Variants in ITFG1 observed in about 807,000 individuals in gnomAD.
ITFG1 encodes integrin alpha FG-GAP repeat containing 1.
ITFG1 carries 34 observed loss-of-function variants against 81.8 expected under a neutral mutation model. The observed-to-expected ratio is 0.42, with a 90% CI of 0.32 to 0.55. ITFG1 has a LOEUF of 0.55. Among genes scored for constraint, ITFG1 ranks in the 20% least tolerant of loss-of-function variants. The pLI, the probability that ITFG1 is intolerant of heterozygous loss-of-function variation, is 0.17. For missense variants in ITFG1, 672 were observed against 755.4 expected (o/e 0.89, Z 1.29); for synonymous variants, 285 against 270.6 (o/e 1.05, Z -0.52).
intron 8 of ITFG1, among the ~76,000 whole-genome samples, chr16:47,362,111 A>G (rs984215078): frequency 6.6e-6 from 1 of 152,042 alleles, no homozygotes; most frequent in African/African-American, 2.4e-5. Context: ...TTCAGAGTCA[A>G]TTTTTTACTT....
intron 14 of ITFG1, among the ~76,000 whole-genome samples, chr16:47,179,639 TA>T (rs138464322): frequency 3.3e-5 from 5 of 151,358 alleles, no homozygotes; most frequent in Non-Finnish European, 7.4e-5. Context: ...TGTTTTTATT[TA>T]AAAAAAAAGA....
chr16:47,178,593 T>C (rs1009363333), intron 14 of ITFG1, among the ~76,000 whole-genome samples: 7 of 152,162 alleles, frequency 4.6e-5, no homozygotes, highest in African/African-American at 1.7e-4. Context: ...GATTAAAGAC[T>C]TAAATGTTAG....
chr16:47,365,703 A>C, intron 8 of ITFG1, 85 bp downstream of exon 8: 1 of 783,408 alleles, frequency 1.3e-6, no homozygotes, highest in Non-Finnish European at 2.2e-6. Context: ...ATTTCCTGCT[A>C]TGGGGAATTA....
At chr16:47,331,331 G>A (rs1967634237) in intron 8 of ITFG1, among the ~76,000 whole-genome samples, 1 of 152,064 alleles carries the variant, frequency 6.6e-6, no homozygotes, top group Non-Finnish European at 1.5e-5. Flanking sequence ...GGAAGGGAGG[G>A]ACAGAGGGAA....
At chr16:47,322,591 G>A (rs948295331) in intron 8 of ITFG1, among the ~76,000 whole-genome samples, 2 of 152,284 alleles carry the variant, frequency 1.3e-5, no homozygotes, top group South Asian at 2.1e-4. Context: ...TTGGGAGGCT[G>A]AGGCAGGAGA....
intron 13 of ITFG1, among the ~76,000 whole-genome samples, chr16:47,221,398 A>G (rs919277218): frequency 6.6e-6 from 1 of 152,082 alleles, no homozygotes; most frequent in Non-Finnish European, 1.5e-5. Context: ...ACTGATTTGC[A>G]TATATTGAAC....
At chr16:47,256,521 C>T (rs1966141540) in intron 12 of ITFG1, among the ~76,000 whole-genome samples, 1 of 152,180 alleles carries the variant, frequency 6.6e-6, no homozygotes, top group Admixed American at 6.5e-5. Context: ...GAATGTACTT[C>T]AACTCCAAAA....
At chr16:47,362,524 T>C (rs1223642934) in intron 8 of ITFG1, among the ~76,000 whole-genome samples, 2 of 152,232 alleles carry the variant, frequency 1.3e-5, no homozygotes, top group Non-Finnish European at 2.9e-5. Context: ...CATTTGGTAA[T>C]CCAATGGATT....
intron 10 of ITFG1, among the ~76,000 whole-genome samples, chr16:47,291,662 CTGGG>C (rs1966907508): frequency 1.3e-5 from 2 of 151,902 alleles, no homozygotes; most frequent in Non-Finnish European, 1.5e-5. Flanking sequence ...TTATCTCTGT[CTGGG>C]TAATTTGAAA....
chr16:47,417,750 T>C (rs1296834783), intron 6 of ITFG1, among the ~76,000 whole-genome samples: 7 of 152,180 alleles, frequency 4.6e-5, no homozygotes, highest in Non-Finnish European at 8.8e-5. Flanking sequence ...CCATTGTGTA[T>C]ATATGCCATA....
At chr16:47,279,076 T>G (rs1174106693) in intron 10 of ITFG1, among the ~76,000 whole-genome samples, 1 of 152,138 alleles carries the variant, frequency 6.6e-6, no homozygotes, top group Non-Finnish European at 1.5e-5. Context: ...TTTCTCCTAG[T>G]CTGTGGCTTG....
intron 14 of ITFG1, among the ~76,000 whole-genome samples, chr16:47,184,839 G>A (rs1965188596): frequency 6.6e-6 from 1 of 152,090 alleles, no homozygotes. Flanking sequence ...CTGGCAAATT[G>A]GATAAAGAGT....
At chr16:47,322,695 C>T (rs940609842) in intron 8 of ITFG1, among the ~76,000 whole-genome samples, 1 of 152,164 alleles carries the variant, frequency 6.6e-6, no homozygotes, top group Non-Finnish European at 1.5e-5. Flanking sequence ...GTCTCACACA[C>T]ACACAAAAGA....
chr16:47,403,761 T>TAC (rs55978309), intron 6 of ITFG1, among the ~76,000 whole-genome samples: 26,326 of 133,020 alleles, frequency 0.2, 2,626 homozygotes, highest in African/African-American at 0.27. Flanking sequence ...TCTCTCTTGG[T>TAC]ACACACACAC....
intron 10 of ITFG1, among the ~76,000 whole-genome samples, chr16:47,295,059 T>A (rs1484336783): frequency 6.6e-6 from 1 of 152,190 alleles, no homozygotes; most frequent in Non-Finnish European, 1.5e-5. Context: ...TGATGATTTT[T>A]ATCATGAAGA....
intron 10 of ITFG1, among the ~76,000 whole-genome samples, chr16:47,283,699 T>G (rs1966859077): frequency 6.6e-6 from 1 of 152,230 alleles, no homozygotes; most frequent in South Asian, 2.1e-4. Context: ...CAGTGAAACT[T>G]ATTTCAGACT....
At chr16:47,179,205 G>C (rs1356099552) in intron 14 of ITFG1, among the ~76,000 whole-genome samples, 1 of 152,204 alleles carries the variant, frequency 6.6e-6, no homozygotes, top group Non-Finnish European at 1.5e-5. Flanking sequence ...AATACCATTT[G>C]ACCCAGCCAT....
chr16:47,435,903 T>G (rs1040462486), intron 5 of ITFG1, among the ~76,000 whole-genome samples: 1 of 152,144 alleles, frequency 6.6e-6, no homozygotes, highest in South Asian at 2.1e-4. Context: ...GAATCTATTA[T>G]AATTATTAAA....
chr16:47,264,312 A>G (rs1462154474), intron 10 of ITFG1, among the ~76,000 whole-genome samples: 2 of 152,128 alleles, frequency 1.3e-5, no homozygotes, highest in East Asian at 3.8e-4. Context: ...TACATTATAT[A>G]GCACACACAA....
Sources: allele counts gnomAD v4.1 joint callset (sites outside exome capture counted in the v4.1 genomes callset), GRCh38; gene constraint gnomAD v4.1.1; transcripts MANE v1.5; gene names NCBI Gene and HGNC (gene_info 2026-07-23, HGNC 2026-07-21).